Variants in VPS53 observed in about 807,000 individuals in gnomAD.
The protein encoded by VPS53 is VPS53 subunit of GARP complex, also known as vacuolar protein sorting-associated protein 53 homolog.
VPS53 carries 70 observed loss-of-function variants against 107.0 expected under a neutral mutation model. That is an observed-to-expected ratio of 0.65 (90% CI 0.54 to 0.80). The LOEUF (loss-of-function observed/expected upper bound fraction) is 0.80, where lower values mean the gene tolerates loss of function less well. VPS53 is among the 30% of genes least tolerant of loss of function. The probability of loss-of-function intolerance (pLI) is 0.00; values close to 1 mark genes in which losing one functional copy is unlikely to be tolerated. For missense variants in VPS53, 917 were observed against 1,049.4 expected (o/e 0.87, Z 1.74); for synonymous variants, 409 against 393.3 (o/e 1.04, Z -0.47).
chr17:552,755 G>C, intron 16 of VPS53: 1 of 218,538 alleles, frequency 4.6e-6, no homozygotes. Flanking sequence ...CATCTGAGGA[G>C]GTACAATGGC....
intron 7 of VPS53, among the ~76,000 whole-genome samples, chr17:643,574 G>A (rs1280538934): frequency 2.2e-5 from 3 of 138,972 alleles, no homozygotes; most frequent in Admixed American, 7.1e-5. Context: ...CTTGGAAACC[G>A]AGGACAACAC....
intron 12 of VPS53, among the ~76,000 whole-genome samples, chr17:590,156 A>T (rs563922266): frequency 1.8e-3 from 278 of 151,672 alleles, no homozygotes; most frequent in Admixed American, 3.0e-3. Context: ...ATGGGAGTTC[A>T]CTCATGATTT....
chr17:714,044 C>CA (rs397818093), intron 1 of VPS53: 11,177 of 77,168 alleles, frequency 0.14, 685 homozygotes, highest in Non-Finnish European at 0.17. Context: ...GAATCCGTCT[C>CA]AAAAAAAAAA....
chr17:652,029 C>T (rs1970972397), intron 7 of VPS53, among the ~76,000 whole-genome samples: 1 of 150,430 alleles, frequency 6.6e-6, no homozygotes, highest in Admixed American at 6.6e-5. Context: ...TTGAGTCTCA[C>T]CCTGTCGCCC....
intron 4 of VPS53, among the ~76,000 whole-genome samples, chr17:696,000 T>C (rs994955986): frequency 1.3e-5 from 2 of 152,154 alleles, no homozygotes; most frequent in African/African-American, 4.8e-5. Context: ...GAAGGTCCCA[T>C]TTACATGGGC....
chr17:669,607 A>C (rs957206034), intron 4 of VPS53, among the ~76,000 whole-genome samples: 1 of 149,692 alleles, frequency 6.7e-6, no homozygotes, highest in Non-Finnish European at 1.5e-5. Context: ...AAAAAAAAAA[A>C]ATTAGGCCAG....
chr17:572,287 G>T (rs1410996698), intron 13 of VPS53, among the ~76,000 whole-genome samples: 3 of 148,142 alleles, frequency 2.0e-5, no homozygotes, highest in Non-Finnish European at 4.5e-5. Context: ...ATCTGAGAAG[G>T]GAGGAGACCC....
chr17:634,240 T>G (rs1357816067), intron 7 of VPS53, among the ~76,000 whole-genome samples: 6 of 151,880 alleles, frequency 4.0e-5, no homozygotes, highest in African/African-American at 1.2e-4. Context: ...TTGGTGACTC[T>G]GGAACTGAGG....
chr17:582,236 G>A (rs1380707100), intron 13 of VPS53, among the ~76,000 whole-genome samples: 1 of 145,340 alleles, frequency 6.9e-6, no homozygotes, highest in African/African-American at 2.5e-5. Context: ...TGTTCCCAGA[G>A]AACCTCCCTC....
chr17:652,673 G>A (rs755819151), intron 7 of VPS53, among the ~76,000 whole-genome samples: 9 of 152,194 alleles, frequency 5.9e-5, no homozygotes, highest in East Asian at 1.9e-4. Flanking sequence ...AATGCTGCAC[G>A]GAGCAGGGAT....
chr17:573,452 C>T (rs1051872574), intron 13 of VPS53, among the ~76,000 whole-genome samples: 4 of 152,142 alleles, frequency 2.6e-5, no homozygotes, highest in Non-Finnish European at 4.4e-5. Context: ...CAGATGCTGC[C>T]GGAACTTTCC....
intron 2 of VPS53, among the ~76,000 whole-genome samples, chr17:709,394 T>G (rs557796280): frequency 6.6e-6 from 1 of 152,368 alleles, no homozygotes; most frequent in East Asian, 1.9e-4. Context: ...ACCTGACACT[T>G]AGCAGACATT....
At chr17:592,961 G>A (rs898596903) in intron 12 of VPS53, among the ~76,000 whole-genome samples, 1 of 152,030 alleles carries the variant, frequency 6.6e-6, no homozygotes, top group African/African-American at 2.4e-5. Flanking sequence ...AAGTTCTCCT[G>A]GATAGATCAA....
intron 16 of VPS53, 135 bp from the exon 17 acceptor site, chr17:552,085 G>T: frequency 1.4e-6 from 1 of 736,408 alleles, no homozygotes; most frequent in Non-Finnish European, 2.1e-6. Flanking sequence ...TGACAGCGGA[G>T]GAACAGCTTG....
At position 695,366 on chromosome 17, in the gene VPS53, T is replaced by C. The variant is rs138973091; in HGVS notation, c.285+2052A>G. On this transcript the variant is annotated intron_variant, in intron 4 of 21. Coordinates refer to ENST00000437048, the MANE Select transcript of VPS53 (RefSeq NM_001128159.3). ...TGAGCTGGTCCTTGGATGGGTAAGA[T>C]TGGGAAATGCGGCGGCTTAAAGAAA... Among the ~76,000 whole-genome samples the C allele has an allele frequency of 3.3e-3, 498 of 152,088 alleles. 4 individuals are homozygous for C. The highest frequency in any genetic ancestry group is 3.6e-3 in the Non-Finnish European group (248 of 67,990).
chr17:559,529 G>A (rs1287128448), intron 15 of VPS53, among the ~76,000 whole-genome samples: 1 of 152,186 alleles, frequency 6.6e-6, no homozygotes, highest in East Asian at 1.9e-4. Flanking sequence ...ACATGACCAG[G>A]TCCCCAGGCA....
intron 19 of VPS53, among the ~76,000 whole-genome samples, chr17:526,207 G>C (rs536602417): frequency 2.0e-5 from 3 of 151,652 alleles, no homozygotes; most frequent in Non-Finnish European, 2.9e-5. Context: ...CCATGTCTTA[G>C]CATTCATTTG....
rs1016373835 is a variant in VPS53 at position 710,674 on chromosome 17, T to G, written c.88-61A>C. 4.3e-5 allele frequency: 57 copies of G among 1,329,612 alleles called. 1 individual carries two copies. The South Asian group carries it at 6.5e-4, about 15-fold the overall frequency. 82.4% of individuals were successfully genotyped at this position (1,329,612 alleles called of 1,614,324 possible). ...TAGTATACCGTAAATATATATAATT[T>G]TAATTTGTCAATTAAAAGGAAAGGG... is the stretch of plus-strand genomic sequence containing the variant. On this transcript the variant is annotated intron_variant, in intron 1 of 21. Transcript: ENST00000437048.
chr17:660,849 C>T (rs1971409057), intron 5 of VPS53, among the ~76,000 whole-genome samples: 1 of 152,144 alleles, frequency 6.6e-6, no homozygotes, highest in African/African-American at 2.4e-5. Context: ...GTTGAAGAAG[C>T]TGGAATTCTG....
Sources: allele counts gnomAD v4.1 joint callset (sites outside exome capture counted in the v4.1 genomes callset), GRCh38; gene constraint gnomAD v4.1.1; transcripts MANE v1.5; gene names NCBI Gene and HGNC (gene_info 2026-07-23, HGNC 2026-07-21).